Variants in POU6F2 observed in about 807,000 individuals in gnomAD.
POU6F2 encodes the protein POU domain, class 6, transcription factor 2.
A neutral mutation model predicts 71.3 loss-of-function variants in POU6F2; 31 were observed. The observed-to-expected ratio is 0.43, with a 90% CI of 0.33 to 0.59. The LOEUF (loss-of-function observed/expected upper bound fraction) is 0.59. Among genes scored for constraint, POU6F2 ranks in the 20% least tolerant of loss-of-function variants. The pLI is 0.04. For missense variants in POU6F2, 783 were observed against 856.8 expected (o/e 0.91, Z 1.07); for synonymous variants, 347 against 355.7 (o/e 0.98, Z 0.27).
At chr7:39,291,830 T>C (rs1439928748) in intron 4 of POU6F2, among the ~76,000 whole-genome samples, 3 of 152,118 alleles carry the variant, frequency 2.0e-5, no homozygotes, top group African/African-American at 4.8e-5. Context: ...AGCTGACGAA[T>C]GAGCGGAGTT....
Position 39,087,546 on chromosome 7 carries a change from A to G in POU6F2, c.277+1515A>G, listed in dbSNP as rs538555777. ...ATCCATATAGGAAGAATTATGTACT[A>G]AAACCTTTACTTCAATTTTAGGAGG... On this transcript the variant is annotated intron_variant, in intron 2 of 9. Transcript: ENST00000518318. 4.6e-5 allele frequency among the ~76,000 whole-genome samples: 7 copies of G among 152,288 alleles called. No homozygotes were observed. In the South Asian group the frequency reaches 1.4e-3, roughly 32 times the overall value.
At chr7:39,196,378 T>G (rs970246116) in intron 2 of POU6F2, among the ~76,000 whole-genome samples, 1 of 152,222 alleles carries the variant, frequency 6.6e-6, no homozygotes. Flanking sequence ...GTAATAGACA[T>G]GTTGATGATT....
chr7:39,053,163 C>T (rs1054743977), intron 1 of POU6F2, among the ~76,000 whole-genome samples: 1 of 152,124 alleles, frequency 6.6e-6, no homozygotes, highest in African/African-American at 2.4e-5. Context: ...GAACTTAGTG[C>T]TCCCTTTTCA....
At chr7:39,370,278 A>G (rs552483685) in intron 5 of POU6F2, among the ~76,000 whole-genome samples, 170 of 152,286 alleles carry the variant, frequency 1.1e-3, no homozygotes, top group African/African-American at 4.0e-3. Context: ...TTACTGATAC[A>G]GATTATTAGG....
chr7:39,225,980 T>TA (rs1392902016), intron 4 of POU6F2, among the ~76,000 whole-genome samples: 22 of 151,790 alleles, frequency 1.4e-4, no homozygotes, highest in South Asian at 6.3e-4. Flanking sequence ...TGTTTTTTTT[T>TA]AAAAAAAACC....
intron 7 of POU6F2, among the ~76,000 whole-genome samples, chr7:39,437,939 A>T (rs1788287836): frequency 2.3e-5 from 3 of 132,182 alleles, no homozygotes; most frequent in Admixed American, 7.3e-5. Context: ...GTTTTGAGTG[A>T]GTTTCTTTTT....
At chr7:39,024,584 A>G (rs702823) in intron 1 of POU6F2, among the ~76,000 whole-genome samples, 130,302 of 151,980 alleles carry the variant, frequency 0.86, 56,645 homozygotes, top group East Asian at 0.95. Context: ...GTCTTGTGCC[A>G]GTTTTCAAAG....
At chr7:39,128,667 T>A (rs1181559406) in intron 2 of POU6F2, among the ~76,000 whole-genome samples, 1 of 152,226 alleles carries the variant, frequency 6.6e-6, no homozygotes, top group African/African-American at 2.4e-5. Context: ...GGTGGTATTT[T>A]ATTCTTATTC....
At chr7:39,125,073 C>T (rs1052727529) in intron 2 of POU6F2, among the ~76,000 whole-genome samples, 62 of 151,990 alleles carry the variant, frequency 4.1e-4, no homozygotes, top group African/African-American at 1.4e-3. Flanking sequence ...ATAAAAATAC[C>T]TACCACAATC....
At chr7:39,399,857 T>TA (rs1787257191) in intron 5 of POU6F2, among the ~76,000 whole-genome samples, 1 of 97,506 alleles carries the variant, frequency 1.0e-5, no homozygotes, top group African/African-American at 4.4e-5. Flanking sequence ...CTCAAGAATG[T>TA]AACAAAAAAA....
intron 6 of POU6F2, among the ~76,000 whole-genome samples, chr7:39,414,540 C>G (rs1225930890): frequency 6.6e-6 from 1 of 152,074 alleles, no homozygotes; most frequent in East Asian, 1.9e-4. Context: ...TGTTGAGCCC[C>G]GATGCGCAGG....
At chr7:39,396,089 A>AT (rs1787169336) in intron 5 of POU6F2, among the ~76,000 whole-genome samples, 1 of 152,224 alleles carries the variant, frequency 6.6e-6, no homozygotes, top group African/African-American at 2.4e-5. Flanking sequence ...TTTTCAGGTT[A>AT]TTAAATGGAA....
chr7:39,258,505 A>C (rs1400413254), intron 4 of POU6F2, among the ~76,000 whole-genome samples: 1 of 152,196 alleles, frequency 6.6e-6, no homozygotes, highest in Non-Finnish European at 1.5e-5. Flanking sequence ...TGTATATGAT[A>C]AATTAATCAA....
chr7:39,371,353 T>TCA (rs1406650534), intron 5 of POU6F2, among the ~76,000 whole-genome samples: 10 of 152,224 alleles, frequency 6.6e-5, no homozygotes, highest in Non-Finnish European at 1.2e-4. Context: ...CTAATTTTTT[T>TCA]GTATTTTTAG....
intron 4 of POU6F2, among the ~76,000 whole-genome samples, chr7:39,263,150 A>G (rs923507097): frequency 2.0e-5 from 3 of 152,246 alleles, no homozygotes; most frequent in Non-Finnish European, 4.4e-5. Context: ...TCAAAAATGT[A>G]AAAAAGTATT....
intron 2 of POU6F2, among the ~76,000 whole-genome samples, chr7:39,137,763 T>C (rs1260246241): frequency 2.0e-5 from 3 of 152,242 alleles, no homozygotes; most frequent in Non-Finnish European, 2.9e-5. Flanking sequence ...TATGTACCTC[T>C]TTATAATCCC....
intron 1 of POU6F2, among the ~76,000 whole-genome samples, chr7:39,010,091 A>C (rs1024342900): frequency 8.5e-6 from 1 of 117,906 alleles, no homozygotes; most frequent in South Asian, 3.8e-4. Flanking sequence ...TAGTTTCAGA[A>C]GGAATGGTAC....
At chr7:39,266,868 T>C (rs868386500) in intron 4 of POU6F2, among the ~76,000 whole-genome samples, 1 of 152,084 alleles carries the variant, frequency 6.6e-6, no homozygotes. Flanking sequence ...AAGCCTGTCT[T>C]CTAGCTATTT....
intron 9 of POU6F2, among the ~76,000 whole-genome samples, chr7:39,462,006 A>G (rs1788960609): frequency 6.6e-6 from 1 of 152,238 alleles, no homozygotes; most frequent in African/African-American, 2.4e-5. Flanking sequence ...CCTTGGGATA[A>G]AGGCAGCCAC....
Sources: gnomAD v4.1 joint callset for allele counts (sites outside exome capture counted in the v4.1 genomes callset) on GRCh38, gnomAD v4.1.1 for gene constraint, MANE v1.5 for transcripts, NCBI Gene and HGNC (gene_info 2026-07-23, HGNC 2026-07-21) for gene names.